The following C1orf21 variants were observed in gnomAD, a reference collection of about 807,000 sequenced individuals.
C1orf21 encodes the protein uncharacterized protein C1orf21.
A neutral mutation model predicts 18.7 loss-of-function variants in C1orf21; 3 were observed. The observed-to-expected ratio is 0.16, with a 90% CI of 0.07 to 0.42. The LOEUF is 0.42. C1orf21 is among the 10% of genes least tolerant of loss of function. The pLI, the probability that C1orf21 is intolerant of heterozygous loss-of-function variation, is 0.99. For synonymous variants in C1orf21, 41 were observed against 46.4 expected, an observed-to-expected ratio of 0.88 and a Z score of 0.47; for missense variants, 104 against 143.6, an observed-to-expected ratio of 0.72 and a Z score of 1.41.
chr1:184,495,398 C>G (rs917687211), intron 2 of C1orf21, among the ~76,000 whole-genome samples: 4 of 152,172 alleles, frequency 2.6e-5, no homozygotes, highest in Non-Finnish European at 5.9e-5. Flanking sequence ...GAGCAGTGCT[C>G]TATGAGAAGA....
At chr1:184,500,482 G>A (rs1198662218) in intron 2 of C1orf21, among the ~76,000 whole-genome samples, 1 of 152,120 alleles carries the variant, frequency 6.6e-6, no homozygotes, top group African/African-American at 2.4e-5. Context: ...CCTCCTTGCA[G>A]CTGAGGGCGC....
intron 1 of C1orf21, among the ~76,000 whole-genome samples, chr1:184,450,599 A>G (rs998171294): frequency 1.2e-4 from 18 of 152,286 alleles, no homozygotes; most frequent in African/African-American, 4.3e-4. Flanking sequence ...AGACGCACAT[A>G]TATACATGCA....
intron 3 of C1orf21, among the ~76,000 whole-genome samples, chr1:184,585,776 A>G (rs1345571607): frequency 2.6e-5 from 4 of 152,174 alleles, no homozygotes; most frequent in Admixed American, 6.5e-5. Context: ...AGTTCCATCC[A>G]TGTTCCTGCA....
intron 3 of C1orf21, among the ~76,000 whole-genome samples, chr1:184,581,950 A>G (rs1659282331): frequency 6.6e-6 from 1 of 152,282 alleles, no homozygotes. Context: ...AATTGTAACA[A>G]AATACTAATA....
intron 3 of C1orf21, among the ~76,000 whole-genome samples, chr1:184,519,177 A>C (rs1658270937): frequency 6.6e-6 from 1 of 152,180 alleles, no homozygotes; most frequent in Non-Finnish European, 1.5e-5. Context: ...CCCTTTTCCC[A>C]GCATTGTTAT....
At chr1:184,403,618 CAA>C (rs1656198832) in intron 1 of C1orf21, among the ~76,000 whole-genome samples, 1 of 151,998 alleles carries the variant, frequency 6.6e-6, no homozygotes, top group Admixed American at 6.6e-5. Context: ...TATTTCATAA[CAA>C]AAGAGAAACA....
intron 2 of C1orf21, among the ~76,000 whole-genome samples, chr1:184,479,520 G>C (rs1657621478): frequency 6.6e-6 from 1 of 151,492 alleles, no homozygotes; most frequent in African/African-American, 2.4e-5. Flanking sequence ...AGGTTACCCA[G>C]CTACGAAGTG....
intron 1 of C1orf21, among the ~76,000 whole-genome samples, chr1:184,431,153 A>T (rs999468269): frequency 6.6e-6 from 1 of 152,234 alleles, no homozygotes; most frequent in African/African-American, 2.4e-5. Context: ...AAGAGCCCAT[A>T]TAGCCAAGAC....
At chr1:184,498,246 A>G (rs958456569) in intron 2 of C1orf21, among the ~76,000 whole-genome samples, 2 of 152,168 alleles carry the variant, frequency 1.3e-5, no homozygotes, top group African/African-American at 2.4e-5. Flanking sequence ...TTATTCTGTG[A>G]TGGTTGTTAT....
chr1:184,448,579 C>G (rs7537725), intron 1 of C1orf21, among the ~76,000 whole-genome samples: 1 of 152,100 alleles, frequency 6.6e-6, no homozygotes, highest in Non-Finnish European at 1.5e-5. Context: ...CTAGCTTTTA[C>G]CTAGTACTGC....
chr1:184,558,120 G>A (rs1658903878), intron 3 of C1orf21, among the ~76,000 whole-genome samples: 1 of 152,190 alleles, frequency 6.6e-6, no homozygotes, highest in Non-Finnish European at 1.5e-5. Flanking sequence ...AGTTTCTCCA[G>A]CTGATTTTCT....
At chr1:184,478,438 A>C (rs1215682162) in intron 2 of C1orf21, among the ~76,000 whole-genome samples, 1 of 152,170 alleles carries the variant, frequency 6.6e-6, no homozygotes, top group African/African-American at 2.4e-5. Flanking sequence ...TTTAAAATAA[A>C]AAGCAAGACA....
chr1:184,531,243 A>C (rs1658458760), intron 3 of C1orf21, among the ~76,000 whole-genome samples: 1 of 152,144 alleles, frequency 6.6e-6, no homozygotes, highest in Non-Finnish European at 1.5e-5. Flanking sequence ...TGGAAAATCG[A>C]CTGTCTTTCA....
At chr1:184,417,111 A>G (rs1331375207) in intron 1 of C1orf21, among the ~76,000 whole-genome samples, 3 of 151,962 alleles carry the variant, frequency 2.0e-5, no homozygotes, top group Non-Finnish European at 4.4e-5. Context: ...GGTGATTTAT[A>G]CTCTCCTGTT....
At chr1:184,444,402 G>C (rs1236390420) in intron 1 of C1orf21, among the ~76,000 whole-genome samples, 1 of 152,062 alleles carries the variant, frequency 6.6e-6, no homozygotes, top group Non-Finnish European at 1.5e-5. Context: ...CGTCTCATGA[G>C]GTCTGATGGT....
rs1258469065 is a variant in C1orf21 at position 184,387,729 on chromosome 1, C to G, written c.-125+361C>G. Among the ~76,000 whole-genome samples the G allele has an allele frequency of 1.3e-5, 2 of 152,182 alleles. No individual in the cohort carries two copies. Among genetic ancestry groups the G allele is most frequent in the Non-Finnish European group, 2.9e-5 (2 of 68,026 alleles). ...CCCTCCCTTCCCACCCGCACCCTGC[C>G]GCCCTCAGCCTTCCTGCTCTCCTCT... On this transcript the variant is annotated intron_variant, in intron 1 of 5. Coordinates refer to ENST00000235307, the MANE Select transcript of C1orf21 (RefSeq NM_030806.4). The surrounding 1 kb of genome is among the most constrained non-coding windows in gnomAD (Gnocchi z 5.6).
chr1:184,540,313 T>A (rs1471057711), intron 3 of C1orf21, among the ~76,000 whole-genome samples: 1 of 152,220 alleles, frequency 6.6e-6, no homozygotes, highest in Non-Finnish European at 1.5e-5. Flanking sequence ...ATTCACAAAT[T>A]GCATCTTAAC....
chr1:184,398,265 T>C (rs1656093752), intron 1 of C1orf21, among the ~76,000 whole-genome samples: 1 of 152,182 alleles, frequency 6.6e-6, no homozygotes, highest in Admixed American at 6.5e-5. Context: ...TTGCAGCAAC[T>C]CTATGAGGAA....
At chr1:184,572,825 A>C (rs535080439) in intron 3 of C1orf21, among the ~76,000 whole-genome samples, 1 of 151,972 alleles carries the variant, frequency 6.6e-6, no homozygotes, top group African/African-American at 2.4e-5. Context: ...GGTGGCATGC[A>C]CCTGTAATCT....
Sources: allele counts gnomAD v4.1 joint callset (sites outside exome capture counted in the v4.1 genomes callset), GRCh38; gene constraint gnomAD v4.1.1; non-coding constraint Gnocchi (gnomAD v3.1); transcripts MANE v1.5; gene names NCBI Gene and HGNC (gene_info 2026-07-23, HGNC 2026-07-21).